Variants in CDH23 observed in about 807,000 individuals in gnomAD.
CDH23 encodes cadherin related 23.
In CDH23, 189 loss-of-function variants were observed where a neutral mutation model predicts 317.1. That is an observed-to-expected ratio of 0.60 (90% CI 0.53 to 0.67). The LOEUF is 0.67. Among genes scored for constraint, CDH23 ranks in the 30% least tolerant of loss-of-function variants. CDH23 has a pLI of 0.00. For synonymous variants in CDH23, 1,839 were observed against 1,876.8 expected, an observed-to-expected ratio of 0.98 and a Z score of 0.52; for missense variants, 4,401 against 4,592.4, an observed-to-expected ratio of 0.96 and a Z score of 1.20.
intron 3 of CDH23, among the ~76,000 whole-genome samples, chr10:71,504,787 A>G (rs919256587): frequency 2.6e-5 from 4 of 152,226 alleles, no homozygotes; most frequent in African/African-American, 9.6e-5. Context: ...TACAGGCAGT[A>G]CTTACTGGTC....
At chr10:71,491,739 A>G (rs1204738277) in intron 3 of CDH23, among the ~76,000 whole-genome samples, 1 of 152,210 alleles carries the variant, frequency 6.6e-6, no homozygotes, top group African/African-American at 2.4e-5. Context: ...AGAGGTCTTC[A>G]TAGCAACAAA....
At chr10:71,415,293 G>T (rs1008751225) in intron 1 of CDH23, among the ~76,000 whole-genome samples, 12 of 151,884 alleles carry the variant, frequency 7.9e-5, no homozygotes, top group African/African-American at 2.9e-4. Flanking sequence ...ATGAGGTCTC[G>T]CTGTGTTGCT....
intron 3 of CDH23, among the ~76,000 whole-genome samples, chr10:71,498,104 GC>G (rs1317439470): frequency 6.6e-6 from 1 of 152,220 alleles, no homozygotes; most frequent in African/African-American, 2.4e-5. Flanking sequence ...ATTGATGCCA[GC>G]CCCTTCGTAG....
intron 11 of CDH23, among the ~76,000 whole-genome samples, chr10:71,620,495 G>A (rs1028031771): frequency 6.6e-6 from 1 of 152,182 alleles, no homozygotes; most frequent in Admixed American, 6.5e-5. Context: ...GGCTGCCTTT[G>A]CTAGAAGCAC....
At chr10:71,531,237 G>A (rs1218203054) in intron 6 of CDH23, among the ~76,000 whole-genome samples, 1 of 152,166 alleles carries the variant, frequency 6.6e-6, no homozygotes, top group Non-Finnish European at 1.5e-5. Flanking sequence ...TTTATAAAGA[G>A]CAAAGAGGCC....
intron 1 of CDH23, among the ~76,000 whole-genome samples, chr10:71,424,484 A>G (rs1365399163): frequency 6.6e-6 from 1 of 152,232 alleles, no homozygotes; most frequent in Non-Finnish European, 1.5e-5. Context: ...AAAATGATCA[A>G]CTTGCTGTTA....
chr10:71,672,972 C>T (rs1864209199), intron 14 of CDH23, among the ~76,000 whole-genome samples: 1 of 152,150 alleles, frequency 6.6e-6, no homozygotes, highest in Non-Finnish European at 1.5e-5. Flanking sequence ...TTCTCAGCTG[C>T]TCTCCTCCAC....
At chr10:71,660,241 C>T (rs933124972) in intron 14 of CDH23, among the ~76,000 whole-genome samples, 2 of 152,086 alleles carry the variant, frequency 1.3e-5, no homozygotes, top group Admixed American at 6.5e-5. Flanking sequence ...CCACCGCGCC[C>T]GGCCTGACTC....
intron 6 of CDH23, among the ~76,000 whole-genome samples, chr10:71,559,067 C>T (rs1857001314): frequency 6.6e-6 from 1 of 152,212 alleles, no homozygotes; most frequent in Admixed American, 6.5e-5. Flanking sequence ...GGCCCCACCC[C>T]ATTCCCTCCC....
intron 10 of CDH23, among the ~76,000 whole-genome samples, chr10:71,615,990 G>T (rs574117739): frequency 6.6e-6 from 1 of 152,326 alleles, no homozygotes; most frequent in South Asian, 2.1e-4. Flanking sequence ...CATTTCTGGG[G>T]TTCTGTCCCA....
chr10:71,713,543 G>A (rs1251402889), intron 28 of CDH23: 7 of 496,862 alleles, frequency 1.4e-5, no homozygotes, highest in Non-Finnish European at 2.5e-5. Flanking sequence ...GGGACCAGGA[G>A]GCGGGCAGGA....
chr10:71,796,117 C>CAG, intron 48 of CDH23: 3 of 983,352 alleles, frequency 3.1e-6, no homozygotes, highest in Non-Finnish European at 3.6e-6. Context: ...CCACGGAAGA[C>CAG]AGAAGCCCAG....
chr10:71,659,960 GT>G (rs5786047), intron 14 of CDH23, among the ~76,000 whole-genome samples: 9,354 of 119,402 alleles, frequency 0.078, 627 homozygotes, highest in African/African-American at 0.21. Flanking sequence ...CTTTCTTTCC[GT>G]TTTTTTTTTT....
At chr10:71,590,882 A>AC (rs1859433695) in intron 9 of CDH23, among the ~76,000 whole-genome samples, 2 of 120,594 alleles carry the variant, frequency 1.7e-5, no homozygotes, top group African/African-American at 6.8e-5. Flanking sequence ...CTAAAAAAAA[A>AC]AAAACAAAAA....
intron 1 of CDH23, among the ~76,000 whole-genome samples, chr10:71,401,480 A>T (rs556261027): frequency 4.4e-4 from 67 of 152,192 alleles, no homozygotes; most frequent in Admixed American, 8.5e-4. Flanking sequence ...TTCTTAAGTG[A>T]TCATTAACAC....
intron 11 of CDH23, among the ~76,000 whole-genome samples, chr10:71,625,720 C>T (rs1861702258): frequency 6.6e-6 from 1 of 152,224 alleles, no homozygotes; most frequent in Non-Finnish European, 1.5e-5. Context: ...GCGTTCCTGG[C>T]TGCAGGCTTC....
chr10:71,768,801 A>G (rs1330140353), intron 38 of CDH23, among the ~76,000 whole-genome samples: 1 of 152,198 alleles, frequency 6.6e-6, no homozygotes, highest in African/African-American at 2.4e-5. Context: ...ACTTTTACAT[A>G]GATTAGTTTA....
At chr10:71,462,161 C>T (rs1395283287) in intron 3 of CDH23, among the ~76,000 whole-genome samples, 2 of 152,200 alleles carry the variant, frequency 1.3e-5, no homozygotes, top group African/African-American at 2.4e-5. Context: ...TAAGAGGGGG[C>T]CCATGGGGGA....
intron 62 of CDH23, among the ~76,000 whole-genome samples, chr10:71,811,081 CAAAA>C (rs35466313): frequency 1.5e-5 from 1 of 67,046 alleles, no homozygotes; most frequent in Non-Finnish European, 2.8e-5. Flanking sequence ...GACTCCATCT[CAAAA>C]AAAAAAAAAA....
Sources: allele counts gnomAD v4.1 joint callset (sites outside exome capture counted in the v4.1 genomes callset), GRCh38; gene constraint gnomAD v4.1.1; transcripts MANE v1.5; gene names NCBI Gene and HGNC (gene_info 2026-07-23, HGNC 2026-07-21).